Variants in ARL9 observed in about 807,000 individuals in gnomAD.
The protein encoded by ARL9 is ARF like GTPase 9.
In ARL9, 14 loss-of-function variants were observed where a neutral mutation model predicts 27.0. The ratio of observed to expected loss-of-function variants is 0.52; its 90% CI spans 0.34 to 0.81. ARL9 has a LOEUF of 0.81. ARL9 is among the 30% of genes least tolerant of loss of function. The pLI is 0.01. For synonymous variants in ARL9, 106 were observed against 108.7 expected, an observed-to-expected ratio of 0.98 and a Z score of 0.15; for missense variants, 294 against 290.0, an observed-to-expected ratio of 1.01 and a Z score of -0.10.
At position 56,506,286 on chromosome 4, in the gene ARL9, G is replaced by A. The variant is rs1396720793; in HGVS notation, c.279+145G>A. 1.1e-5 allele frequency: 10 copies of A among 904,728 alleles called. No homozygotes were observed. In the East Asian group the frequency reaches 3.3e-4, roughly 30 times the overall value. 56.0% of individuals were successfully genotyped at this position (904,728 alleles called of 1,614,324 possible). On this transcript the variant is annotated intron_variant, in intron 1 of 3. Transcript: ENST00000640821. ...GAGGGCTATTTACCTATGGATGAAA[G>A]AGATGCGCCAAACTTTGAACGACCC... is the stretch of plus-strand genomic sequence containing the variant.
At position 56,523,748 on chromosome 4, in the gene ARL9, T is replaced by C. The variant is rs1430370201; in HGVS notation, c.670T>C (p.Ser224Pro). The change falls in exon 4 of 4, where the codon TCT becomes CCT. Residue 224 changes from serine (S) to proline (P), a missense_variant. Ser to Pro is a moderately conservative substitution (Grantham distance 74). Transcript: ENST00000640821. ...AGATATCCATGAAGCTTTGGCATTA[T>C]CTGAAGTGGGAAATGACAGGAAGAT... ...ITDIHEALAL[S>P]EVGNDRKMFL... 8 of 1,613,894 alleles carry C rather than the reference T, an allele frequency of 5.0e-6. No individual in the cohort carries two copies. The highest frequency in any genetic ancestry group is 5.9e-6 in the Non-Finnish European group (7 of 1,179,884).
chr4:56,524,071 T>G lies in ARL9; in HGVS notation c.*195T>G. 2.2e-6 allele frequency: 1 copy of G among 454,958 alleles called. No homozygotes were observed. The allele number at this position is 454,958 out of a possible 1,614,324, so 28.2% of individuals were successfully genotyped here. A position where few individuals can be genotyped will look rare whatever the true frequency, so the allele number is the denominator to read the frequency against. ...ATTCAAGAACTGTGGATCCAAAACA[T>G]TCAAAAAGTAAACCCACTGAAGAAT... On this transcript the variant is annotated 3_prime_UTR_variant, in exon 4 of 4. Coordinates refer to ENST00000640821, the MANE Select transcript of ARL9 (RefSeq NM_001363794.2).
At chr4:56,510,952 T>C (rs1560696478) in intron 1 of ARL9, among the ~76,000 whole-genome samples, 1 of 152,028 alleles carries the variant, frequency 6.6e-6, no homozygotes. Context: ...TTTGTATTTT[T>C]AGTATAGATG....
At chr4:56,511,383 A>C (rs762315343) in intron 2 of ARL9, 36 bp downstream of exon 2, 2 of 1,577,416 alleles carry the variant, frequency 1.3e-6, no homozygotes, top group South Asian at 2.3e-5. Flanking sequence ...AGATAGCCAC[A>C]TTTTATTGTC....
At chr4:56,507,685 GAAAA>G (rs894512230) in intron 1 of ARL9, among the ~76,000 whole-genome samples, 1 of 148,614 alleles carries the variant, frequency 6.7e-6, no homozygotes, top group African/African-American at 2.5e-5. Flanking sequence ...CACTAAGAAA[GAAAA>G]AAAAGCCGGC....
chr4:56,517,342 A>T (rs1459793694), intron 2 of ARL9, among the ~76,000 whole-genome samples: 8 of 152,222 alleles, frequency 5.3e-5, no homozygotes, highest in Admixed American at 4.6e-4. Flanking sequence ...CTTTTTGTTA[A>T]GTTCTTGAAA....
intron 1 of ARL9, among the ~76,000 whole-genome samples, chr4:56,506,833 T>TGTGTGTGTGTGTGTG (rs1721480424): frequency 6.7e-6 from 1 of 149,400 alleles, no homozygotes; most frequent in Non-Finnish European, 1.5e-5. Flanking sequence ...TGTGTGTGTG[T>TGTGTGTGTGTGTGTG]TCTTTTTTGA....
At chr4:56,507,593 G>A (rs1353467523) in intron 1 of ARL9, among the ~76,000 whole-genome samples, 2 of 151,814 alleles carry the variant, frequency 1.3e-5, no homozygotes, top group Non-Finnish European at 2.9e-5. Flanking sequence ...GGGATTACAG[G>A]CATGAGCCAC....
Position 56,511,220 on chromosome 4 carries a change from T to A in ARL9, c.315T>A (p.Asp105Glu), listed in dbSNP as rs556645602. 41 of 1,610,412 alleles carry A rather than the reference T, an allele frequency of 2.5e-5. No homozygotes were observed. In the African/African-American group the frequency reaches 4.8e-4, roughly 19 times the overall value. The change falls in exon 2 of 4, where the codon GAT becomes GAA. Residue 105 changes from aspartate (D) to glutamate (E), a missense_variant. Coordinates refer to ENST00000640821, the MANE Select transcript of ARL9 (RefSeq NM_001363794.2). ...AGCAAATCCTAGTGCTGGGCCTGGATGGAGCAGGAAAAACCAGTGTCCTGC... is the reference window on the plus strand; with the variant it reads ...AGCAAATCCTAGTGCTGGGCCTGGAAGGAGCAGGAAAAACCAGTGTCCTGC... ...KNKQILVLGLDGAGKTSVLHS... is the reference protein window; with the variant it reads ...KNKQILVLGLEGAGKTSVLHS...
intron 1 of ARL9, chr4:56,506,534 C>T (rs1721465909): frequency 1.5e-6 from 1 of 673,298 alleles, no homozygotes; most frequent in African/African-American, 3.0e-5. Context: ...CACGCAGGCC[C>T]TCTTTGCATT....
chr4:56,506,567 G>C, intron 1 of ARL9: 1 of 957,612 alleles, frequency 1.0e-6, no homozygotes, highest in Non-Finnish European at 1.2e-6. Flanking sequence ...TGTCAGAAGG[G>C]GCAGGGTTCC....
At chr4:56,519,720 T>G (rs1271833433) in intron 3 of ARL9, among the ~76,000 whole-genome samples, 2 of 152,232 alleles carry the variant, frequency 1.3e-5, no homozygotes, top group African/African-American at 4.8e-5. Context: ...TTATGTTTCT[T>G]TATGTTTTAT....
intron 2 of ARL9, among the ~76,000 whole-genome samples, chr4:56,516,054 A>C (rs1214311889): frequency 2.0e-5 from 3 of 152,344 alleles, no homozygotes; most frequent in East Asian, 1.9e-4. Context: ...TCTTATTATA[A>C]AGATATGAAA....
Position 56,520,060 on chromosome 4 carries a change from T to C in ARL9, c.618+1207T>C, listed in dbSNP as rs369612668. On this transcript the variant is annotated intron_variant, in intron 3 of 3. Transcript: ENST00000640821. ...CTCTGTCTCACAGGCTGGAGTGCAA[T>C]GGCGCAATTTCGGCTAACCACAACC... 1.1e-4 allele frequency among the ~76,000 whole-genome samples: 17 copies of C among 151,568 alleles called. No homozygotes were observed. The East Asian group carries it at 1.8e-3, about 16-fold the overall frequency.
upstream of ARL9, chr4:56,505,731 G>A (rs79863271): frequency 2.7e-4 from 376 of 1,381,746 alleles, no homozygotes; most frequent in East Asian, 7.3e-3. Flanking sequence ...GGTTGGCAGC[G>A]CCCGCGGGTT....
At chr4:56,510,718 T>C (rs144742346) in intron 1 of ARL9, among the ~76,000 whole-genome samples, 60 of 152,260 alleles carry the variant, frequency 3.9e-4, no homozygotes, top group African/African-American at 1.4e-3. Context: ...TTAGAAAATA[T>C]TAACTAGTTG....
At chr4:56,510,677 G>A (rs1280663533) in intron 1 of ARL9, among the ~76,000 whole-genome samples, 1 of 152,118 alleles carries the variant, frequency 6.6e-6, no homozygotes, top group Non-Finnish European at 1.5e-5. Flanking sequence ...GAGGACGGAT[G>A]TGAAATTAGT....
intron 1 of ARL9, among the ~76,000 whole-genome samples, chr4:56,510,210 C>T (rs1032995385): frequency 1.1e-4 from 17 of 151,468 alleles, no homozygotes; most frequent in Middle Eastern, 3.2e-3. Context: ...ATACAAATTG[C>T]GGAGCGTGGT....
At chr4:56,514,225 A>C (rs1208731198) in intron 2 of ARL9, among the ~76,000 whole-genome samples, 1 of 152,188 alleles carries the variant, frequency 6.6e-6, no homozygotes, top group East Asian at 1.9e-4. Flanking sequence ...AGCATTTATA[A>C]TCTTAAATGA....
Sources: allele counts gnomAD v4.1 joint callset (sites outside exome capture counted in the v4.1 genomes callset), GRCh38; gene constraint gnomAD v4.1.1; transcripts MANE v1.5; gene names NCBI Gene and HGNC (gene_info 2026-07-23, HGNC 2026-07-21).